The following LRRK1 variants were observed in gnomAD, a reference collection of about 807,000 sequenced individuals.
LRRK1 encodes the protein leucine rich repeat kinase 1, also known as leucine-rich repeat serine/threonine-protein kinase 1.
LRRK1 carries 113 observed loss-of-function variants against 209.1 expected under a neutral mutation model. That is an observed-to-expected ratio of 0.54 (90% CI 0.46 to 0.63). LRRK1 has a LOEUF of 0.63. LRRK1 is among the 30% of genes least tolerant of loss of function. The pLI is 0.00. For synonymous variants in LRRK1, 1,144 were observed against 1,099.7 expected (o/e 1.04, Z -0.80); for missense variants, 2,284 against 2,632.2 (o/e 0.87, Z 2.89).
intron 3 of LRRK1, among the ~76,000 whole-genome samples, chr15:100,980,162 C>G (rs1237689529): frequency 1.3e-5 from 2 of 152,126 alleles, no homozygotes; most frequent in Non-Finnish European, 2.9e-5. Flanking sequence ...TGGCCCAAAA[C>G]TGGATACAAC....
chr15:101,044,554 A>G (rs1021906146), intron 20 of LRRK1, among the ~76,000 whole-genome samples: 11 of 152,312 alleles, frequency 7.2e-5, no homozygotes, highest in African/African-American at 2.2e-4. Context: ...TCCCTTGAGA[A>G]CTGGCTTCTG....
chr15:101,001,935 C>T (rs1012689046), intron 6 of LRRK1, among the ~76,000 whole-genome samples: 7 of 152,102 alleles, frequency 4.6e-5, no homozygotes, highest in Admixed American at 1.3e-4. Context: ...AACGTCACTC[C>T]GGCAAGGCTG....
Position 101,029,052 on chromosome 15 carries a change from C to G in LRRK1, c.2783C>G (p.Ser928Cys). Residue 928 changes from serine to cysteine, a missense_variant, in exon 20 of 34, where the codon TCC becomes TGC. Transcript: ENST00000388948. ...NLYFLDPIWL[S>C]ECLQRIFNIK... Reference sequence around the variant, plus strand: ...TACTTCCTCGACCCTATTTGGCTCTCCGAATGTCTGCAGAGGATCTTTAAT... The same window carrying G: ...TACTTCCTCGACCCTATTTGGCTCTGCGAATGTCTGCAGAGGATCTTTAAT... The G allele has an allele frequency of 1.2e-6, 2 of 1,614,214 alleles. No individual in the cohort carries two copies. Among genetic ancestry groups the G allele is most frequent in the Non-Finnish European group, 1.7e-6 (2 of 1,180,040 alleles).
At chr15:101,036,054 T>C (rs557523910) in intron 20 of LRRK1, among the ~76,000 whole-genome samples, 1 of 152,350 alleles carries the variant, frequency 6.6e-6, no homozygotes, top group Admixed American at 6.5e-5. Context: ...TTGACTATAA[T>C]GTGCCATGGA....
Position 101,058,101 on chromosome 15 carries a change from G to A in LRRK1, c.4639G>A (p.Glu1547Lys). The change falls in exon 29 of 34, where the codon GAG becomes AAG. Residue 1547 changes from glutamate (E) to lysine (K), a missense_variant. Coordinates refer to ENST00000388948, the MANE Select transcript of LRRK1 (RefSeq NM_024652.6). Reference protein sequence around the residue: ...QTAFFSSQGQEYTVVFWDGKE... With the variant: ...QTAFFSSQGQKYTVVFWDGKE... The stretch of plus-strand genomic sequence containing the variant: ...AGCCTTCTTCTCATCCCAGGGCCAG[G>A]AGTACACCGTGGTGTTTTGGGATGG... 6.2e-7 allele frequency: 1 copy of A among 1,614,186 alleles called. No individual in the cohort carries two copies. The highest frequency in any genetic ancestry group is 8.5e-7 in the Non-Finnish European group (1 of 1,180,038).
chr15:101,054,747 G>C (rs973717903), intron 26 of LRRK1, among the ~76,000 whole-genome samples, 199 bp from the exon 27 acceptor site: 2 of 152,138 alleles, frequency 1.3e-5, no homozygotes, highest in African/African-American at 4.8e-5. Context: ...TGGAGGCAGA[G>C]GTTGCAGTGA....
In LRRK1 at chr15:101,010,562, T is replaced by C; in HGVS notation, c.1102T>C (p.Phe368Leu). ...TTCAAAAAATTGTTTAGAAAAATTG[T>C]TCGAAGAAGAAAATGGTATGTTTTC... ...TASKNCLEKL[F>L]EEENATNWIG... Residue 368 changes from phenylalanine (F) to leucine (L), a missense_variant, in exon 8 of 34, where the codon TTC (phenylalanine) becomes CTC (leucine). Phe to Leu is a conservative substitution (Grantham distance 22). Around this residue, in one of 6 missense-constraint regions of LRRK1, gnomAD observed 494 missense variants for 522.1 expected, o/e 0.95. Transcript: ENST00000388948. 1 of 1,612,248 alleles carries C rather than the reference T, an allele frequency of 6.2e-7. No individual in the cohort carries two copies. Among genetic ancestry groups the C allele is most frequent in the South Asian group, 1.1e-5 (1 of 89,968 alleles).
chr15:100,972,142 C>G (rs1365554932), intron 2 of LRRK1, among the ~76,000 whole-genome samples: 1 of 151,548 alleles, frequency 6.6e-6, no homozygotes, highest in Non-Finnish European at 1.5e-5. Flanking sequence ...TTTGTGTCTT[C>G]AGTAGAGACG....
At chr15:100,947,662 T>C (rs1021926785) in intron 2 of LRRK1, among the ~76,000 whole-genome samples, 1 of 152,164 alleles carries the variant, frequency 6.6e-6, no homozygotes, top group Non-Finnish European at 1.5e-5. Context: ...CGCATATGCA[T>C]TTCCCAGGAT....
rs1421229346 is a variant in LRRK1 at position 101,043,241 on chromosome 15, G to A, written c.2964-2740G>A. 4.7e-4 allele frequency among the ~76,000 whole-genome samples: 71 copies of A among 152,210 alleles called. 1 individual carries two copies. Among genetic ancestry groups the A allele is most frequent in the Non-Finnish European group, 2.6e-4 (18 of 68,042 alleles). Reference sequence around the variant, plus strand: ...TCCTGCACAGTGAGGCCAGAGACCCGGCCACCTGGGAACCAGCCACTGGCC... The same window carrying A: ...TCCTGCACAGTGAGGCCAGAGACCCAGCCACCTGGGAACCAGCCACTGGCC... On this transcript the variant is annotated intron_variant, in intron 20 of 33. Coordinates refer to ENST00000388948, the MANE Select transcript of LRRK1 (RefSeq NM_024652.6).
At chr15:100,966,020 A>T (rs1165659780) in intron 2 of LRRK1, among the ~76,000 whole-genome samples, 1 of 152,188 alleles carries the variant, frequency 6.6e-6, no homozygotes, top group Non-Finnish European at 1.5e-5. Context: ...TGAAATCTTT[A>T]TGAGGAAAAT....
chr15:101,059,592 G>T (rs574098616), intron 29 of LRRK1, among the ~76,000 whole-genome samples: 29 of 147,902 alleles, frequency 2.0e-4, no homozygotes, highest in Admixed American at 5.3e-4. Context: ...TAATTATGTT[G>T]CTGTTGCTGG....
chr15:101,034,236 C>T (rs1334559794), intron 20 of LRRK1, among the ~76,000 whole-genome samples: 5 of 152,160 alleles, frequency 3.3e-5, no homozygotes, highest in Non-Finnish European at 7.4e-5. Flanking sequence ...GTTTCCTATG[C>T]AGTGAAGAAG....
At chr15:101,041,750 G>A (rs756514430) in intron 20 of LRRK1, among the ~76,000 whole-genome samples, 4 of 152,178 alleles carry the variant, frequency 2.6e-5, no homozygotes, top group Admixed American at 6.5e-5. Context: ...CCCCGTGGAT[G>A]CCTAAAACTG....
intron 12 of LRRK1, 101 bp from the exon 13 acceptor site, chr15:101,020,951 TG>T: frequency 6.8e-6 from 9 of 1,327,796 alleles, no homozygotes; most frequent in Non-Finnish European, 9.5e-6. Context: ...CTTGCCAAAA[TG>T]CCCTCTGGAG....
chr15:101,036,317 C>T (rs2141111840), intron 20 of LRRK1, among the ~76,000 whole-genome samples: 2 of 152,072 alleles, frequency 1.3e-5, no homozygotes, highest in South Asian at 4.2e-4. Flanking sequence ...TTTTGTCTAA[C>T]TCTGTTTTTT....
At chr15:101,018,617 C>T (rs2033648672) in intron 12 of LRRK1, among the ~76,000 whole-genome samples, 1 of 152,192 alleles carries the variant, frequency 6.6e-6, no homozygotes, top group African/African-American at 2.4e-5. Flanking sequence ...AAATCACAGG[C>T]ATGCATGGAA....
At chr15:101,060,795 A>G (rs1341066338) in intron 29 of LRRK1, among the ~76,000 whole-genome samples, 2 of 152,070 alleles carry the variant, frequency 1.3e-5, no homozygotes, top group Non-Finnish European at 2.9e-5. Context: ...CCCCAACCCA[A>G]TCTCCTCTGG....
At chr15:100,948,666 A>G (rs1192670081) in intron 2 of LRRK1, among the ~76,000 whole-genome samples, 1 of 152,248 alleles carries the variant, frequency 6.6e-6, no homozygotes, top group Non-Finnish European at 1.5e-5. Context: ...TGGAAATCAT[A>G]CAAAATATAT....
Sources: allele counts gnomAD v4.1 joint callset (sites outside exome capture counted in the v4.1 genomes callset), GRCh38; gene constraint gnomAD v4.1.1; regional missense constraint gnomAD v4.1.1; transcripts MANE v1.5; gene names NCBI Gene and HGNC (gene_info 2026-07-23, HGNC 2026-07-21).